MIA2: variants seen among roughly 807,000 people sequenced by gnomAD.
MIA2 encodes melanoma inhibitory activity protein 2.
A neutral mutation model predicts 167.8 loss-of-function variants in MIA2; 127 were observed. The observed-to-expected ratio is 0.76, with a 90% CI of 0.66 to 0.88. The LOEUF (loss-of-function observed/expected upper bound fraction) is 0.88, where lower values mean the gene tolerates loss of function less well. Ranked by LOEUF, MIA2 falls within the 40% of genes least tolerant of loss-of-function variation. The probability of loss-of-function intolerance (pLI) is 0.00; values close to 1 mark genes in which losing one functional copy is unlikely to be tolerated. For synonymous variants in MIA2, 552 were observed against 541.9 expected (o/e 1.02, Z -0.26); for missense variants, 1,690 against 1,624.7 (o/e 1.04, Z -0.69).
intron 26 of MIA2, among the ~76,000 whole-genome samples, chr14:39,346,265 A>T (rs1285033049): frequency 1.3e-5 from 2 of 152,204 alleles, no homozygotes; most frequent in South Asian, 4.1e-4. Flanking sequence ...TATACCTATG[A>T]TGATAAATTT....
chr14:39,308,639 GAT>G (rs757459818), intron 18 of MIA2, 52 bp downstream of exon 18: 14 of 1,355,200 alleles, frequency 1.0e-5, no homozygotes, highest in Non-Finnish European at 1.4e-5. Context: ...TAGCTTTAGA[GAT>G]ATATGTTACA....
At chr14:39,301,041 C>T (rs902372111) in intron 14 of MIA2, among the ~76,000 whole-genome samples, 62 of 1,350 alleles carry the variant, frequency 0.046, no homozygotes, top group African/African-American at 0.13. Context: ...CATATACATA[C>T]ACACACACAC....
At position 39,234,078 on chromosome 14, in the gene MIA2, TA is replaced by T. The variant is rs1355573177; in HGVS notation, c.-34del. ...ATCTCTACAACCTGAACAATTGGCTTAAACTTCACTTGGGATTCCCGGTTGC... is the reference window on the plus strand; with the variant it reads ...ATCTCTACAACCTGAACAATTGGCTTAACTTCACTTGGGATTCCCGGTTGC... On this transcript the variant is annotated 5_prime_UTR_variant, in exon 1 of 29. Coordinates refer to ENST00000640607, the MANE Select transcript of MIA2 (RefSeq NM_001329214.4). The T allele has an allele frequency of 1.1e-5, 15 of 1,401,100 alleles. No homozygotes were observed. The highest frequency in any genetic ancestry group is 1.5e-5 in the Non-Finnish European group (15 of 999,580). 86.8% of individuals were successfully genotyped at this position (1,401,100 alleles called of 1,614,324 possible).
At position 39,259,858 on chromosome 14, in the gene MIA2, T is replaced by TC. The variant is rs1433332971; in HGVS notation, c.1887+6693dup. On this transcript the variant is annotated intron_variant, in intron 6 of 28. Transcript: ENST00000640607. ...CTCTCCTAATGCTATCCCTCTCCTA[T>TC]CCCCCCGCCAACATGACAGGCCCCG... Among the ~76,000 whole-genome samples, 7 of 151,868 alleles carry TC rather than the reference T, an allele frequency of 4.6e-5. No homozygotes were observed. In the East Asian group the frequency reaches 9.7e-4, roughly 21 times the overall value.
At position 39,315,706 on chromosome 14, in the gene MIA2, A is replaced by C; in HGVS notation, c.3204A>C (p.Ala1068=). Residue 1068 remains alanine (A), a synonymous_variant, in exon 21 of 29, where the codon GCA becomes GCC. Transcript: ENST00000640607. ...AGATTATTTCCCATGAGAAAAAAGC[A>C]CATGATAATTGGGTAAGTTTAAAAT... ...QGQIISHEKK[A]HDNWLAARNA... 4 of 1,554,548 alleles carry C rather than the reference A, an allele frequency of 2.6e-6. No individual in the cohort carries two copies. The highest frequency in any genetic ancestry group is 3.6e-5 in the Admixed American group (2 of 54,992).
At chr14:39,288,475 A>ATATTTTTT (rs1294270700) in intron 9 of MIA2, among the ~76,000 whole-genome samples, 2 of 50,516 alleles carry the variant, frequency 4.0e-5, no homozygotes, top group African/African-American at 1.1e-4. Context: ...ATATATATAT[A>ATATTTTTT]TTTTTTTTTT....
At position 39,373,863 on chromosome 14, in the gene MIA2, G is replaced by GA. The variant is rs201096827; in HGVS notation, c.2249-13014dup. The stretch of plus-strand genomic sequence containing the variant: ...ATAAAAAATGAGAAAACAGTCATAA[G>GA]AAAAAAAACAAACTCTGGCCAGGTG... On this transcript the variant is annotated intron_variant, in intron 23 of 23. Coordinates refer to the MIA2 transcript ENST00000341502. Among the ~76,000 whole-genome samples the GA allele has an allele frequency of 8.5e-3, 1,289 of 151,748 alleles. 13 individuals are homozygous for GA. Among genetic ancestry groups the GA allele is most frequent in the African/African-American group, 0.029 (1,183 of 41,416 alleles).
At chr14:39,278,110 A>G (rs1183619726) in intron 7 of MIA2, among the ~76,000 whole-genome samples, 1 of 151,862 alleles carries the variant, frequency 6.6e-6, no homozygotes, top group Non-Finnish European at 1.5e-5. Context: ...AGTAGCTGGG[A>G]CTACAGGCGT....
intron 1 of MIA2, 36 bp downstream of exon 1, chr14:39,234,265 T>C: frequency 1.5e-6 from 2 of 1,340,804 alleles, no homozygotes; most frequent in Non-Finnish European, 2.1e-6. Flanking sequence ...TCCTCCTAAA[T>C]TGAGGCTCTG....
chr14:39,293,327 T>C lies in MIA2; in HGVS notation c.2265T>C (p.Cys755=). ...CTGAACTTGAGGATGAAATACTCTG[T>C]CTAGAAAAAGAGTTAAAAGAAGAGA... ...SNSELEDEIL[C]LEKELKEEKS... is the part of the protein sequence containing the mutation. Residue 755 remains cysteine, a synonymous_variant, in exon 11 of 29, where the codon TGT becomes TGC. Coordinates refer to ENST00000640607, the MANE Select transcript of MIA2 (RefSeq NM_001329214.4). 1 of 1,612,742 alleles carries C rather than the reference T, an allele frequency of 6.2e-7. No individual in the cohort carries two copies. Among genetic ancestry groups the C allele is most frequent in the Non-Finnish European group, 8.5e-7 (1 of 1,179,270 alleles).
At chr14:39,361,595 C>T (rs558732462) in intron 23 of MIA2, among the ~76,000 whole-genome samples, 15 of 152,186 alleles carry the variant, frequency 9.9e-5, no homozygotes, top group South Asian at 2.1e-4. Flanking sequence ...TGTGCCACCA[C>T]GCCTGGCTAA....
chr14:39,236,869 A>G, intron 1 of MIA2, 53 bp from the exon 2 acceptor site: 3 of 1,500,338 alleles, frequency 2.0e-6, no homozygotes, highest in Non-Finnish European at 2.7e-6. Flanking sequence ...TGAAAGGAGG[A>G]GAAATATCAT....
At position 39,294,923 on chromosome 14, in the gene MIA2, A is replaced by G. The variant is rs2061217204; in HGVS notation, c.2392-2A>G. The G allele has an allele frequency of 6.2e-7, 1 of 1,604,166 alleles. No homozygotes were observed. Among genetic ancestry groups the G allele is most frequent in the South Asian group, 1.1e-5 (1 of 90,640 alleles). ...AAACTTGACATTTTTTGTTTCACTT[A>G]GGCCAAAATGACCTTCAAGATATTT... On this transcript the variant is annotated splice_acceptor_variant, in intron 12 of 28. Coordinates refer to ENST00000640607, the MANE Select transcript of MIA2 (RefSeq NM_001329214.4). LOFTEE classifies it high-confidence loss of function.
At chr14:39,253,895 T>C (rs997711183) in intron 6 of MIA2, among the ~76,000 whole-genome samples, 2 of 152,242 alleles carry the variant, frequency 1.3e-5, no homozygotes, top group African/African-American at 4.8e-5. Context: ...GTTCCTTTTC[T>C]CATCTACTGC....
At chr14:39,313,866 A>G (rs1013411309) in intron 19 of MIA2, among the ~76,000 whole-genome samples, 1 of 152,196 alleles carries the variant, frequency 6.6e-6, no homozygotes, top group African/African-American at 2.4e-5. Flanking sequence ...TTAAAAGACT[A>G]TAAATCTAGA....
downstream of MIA2, among the ~76,000 whole-genome samples, chr14:39,352,237 G>A (rs983877040): frequency 6.8e-6 from 1 of 147,398 alleles, no homozygotes; most frequent in African/African-American, 2.5e-5. Context: ...TCATCATGGA[G>A]GCCTGCTGCA....
chr14:39,313,475 AATGGGAAGAGTATC>A (rs780489073), intron 19 of MIA2, 34 bp downstream of exon 19: 3 of 1,248,108 alleles, frequency 2.4e-6, no homozygotes, highest in Non-Finnish European at 3.4e-6. Flanking sequence ...TCTTTTTTGG[AATGGGAAGAGTATC>A]TAAAAAACTT....
intron 25 of MIA2, among the ~76,000 whole-genome samples, chr14:39,333,052 TTTTATTC>T (rs2069312993): frequency 1.3e-5 from 2 of 152,190 alleles, no homozygotes; most frequent in African/African-American, 4.8e-5. Context: ...TTTTTTATCT[TTTTATTC>T]ATTATAAGCA....
At chr14:39,354,030 C>T (rs572019675), downstream of MIA2, among the ~76,000 whole-genome samples, 14 of 152,216 alleles carry the variant, frequency 9.2e-5, 1 homozygote, top group Admixed American at 2.6e-4. Context: ...AACATACATG[C>T]GCATGTGCCT....
Sources: allele counts gnomAD v4.1 joint callset (sites outside exome capture counted in the v4.1 genomes callset), GRCh38; gene constraint gnomAD v4.1.1; transcripts MANE v1.5; gene names NCBI Gene and HGNC (gene_info 2026-07-23, HGNC 2026-07-21).